The following MAP4K3 variants were observed in gnomAD, a reference collection of about 807,000 sequenced individuals.
MAP4K3 encodes mitogen-activated protein kinase kinase kinase kinase 3.
MAP4K3 carries 94 observed loss-of-function variants against 143.5 expected under a neutral mutation model. The observed-to-expected ratio is 0.65, with a 90% CI of 0.55 to 0.78. MAP4K3 has a LOEUF of 0.78. Among genes scored for constraint, MAP4K3 ranks in the 30% least tolerant of loss-of-function variants. The pLI is 0.00. For synonymous variants in MAP4K3, 416 were observed against 347.2 expected (o/e 1.20, Z -2.20); for missense variants, 1,077 against 1,068.1 (o/e 1.01, Z -0.12).
chr2:39,330,811 A>C (rs1683657661), intron 8 of MAP4K3, among the ~76,000 whole-genome samples: 1 of 152,152 alleles, frequency 6.6e-6, no homozygotes, highest in Admixed American at 6.6e-5. Flanking sequence ...CAAGAAACTA[A>C]GTAAATTTAA....
intron 28 of MAP4K3, among the ~76,000 whole-genome samples, chr2:39,262,330 C>T (rs933256381): frequency 2.0e-5 from 3 of 152,176 alleles, no homozygotes; most frequent in African/African-American, 7.2e-5. Context: ...TGCTAAAGTG[C>T]CTCCATTCCA....
In MAP4K3 at chr2:39,437,272, C is replaced by A; in HGVS notation, c.-285G>T. The A allele has an allele frequency of 4.1e-6, 1 of 241,838 alleles. No homozygotes were observed. The highest frequency in any genetic ancestry group is 8.1e-5 in the East Asian group (1 of 12,346). The allele number at this position is 241,838 out of a possible 1,614,324, so 15.0% of individuals were successfully genotyped here. A position where few individuals can be genotyped will look rare whatever the true frequency, so the allele number is the denominator to read the frequency against. ...GCAGCCCCTCGCTCGGGGTGAAACT[C>A]CAACATGGCTTCCGCTTTCGCCGCT... On this transcript the variant is annotated 5_prime_UTR_variant, in exon 1 of 34. It introduces an in-frame stop codon into an upstream open reading frame of the 5' UTR. Coordinates refer to ENST00000263881, the MANE Select transcript of MAP4K3 (RefSeq NM_003618.4).
chr2:39,253,550 G>A (rs975156528), intron 32 of MAP4K3, among the ~76,000 whole-genome samples: 3 of 152,160 alleles, frequency 2.0e-5, no homozygotes, highest in Non-Finnish European at 2.9e-5. Context: ...GTAGAAAGAA[G>A]TTAGGTGACA....
intron 2 of MAP4K3, among the ~76,000 whole-genome samples, chr2:39,368,253 G>A (rs1471607159): frequency 2.0e-5 from 3 of 152,140 alleles, no homozygotes; most frequent in Non-Finnish European, 4.4e-5. Context: ...TGTTTCTGGA[G>A]TAAGGACAGA....
rs138470313 is a variant in MAP4K3, at chr2:39,435,983, T to A, written c.96+909A>T. 6.8e-3 allele frequency among the ~76,000 whole-genome samples: 1,030 copies of A among 152,338 alleles called. 9 individuals carry two copies. Among genetic ancestry groups the A allele is most frequent in the Non-Finnish European group, 9.6e-3 (651 of 68,026 alleles). On this transcript the variant is annotated intron_variant, in intron 1 of 33. Coordinates refer to ENST00000263881, the MANE Select transcript of MAP4K3 (RefSeq NM_003618.4). ...ATGCAAAATTAAGTTTCTTTGTGCA[T>A]CCTCAGGTGTTATGTGAAACTGGAG... is the stretch of plus-strand genomic sequence containing the variant.
rs1011076476 is a variant in MAP4K3 at position 39,396,539 on chromosome 2, G to A, written c.97-18416C>T. Among the ~76,000 whole-genome samples the A allele has an allele frequency of 8.9e-4, 132 of 148,952 alleles. 1 individual carries two copies. The highest frequency in any genetic ancestry group is 2.5e-3 in the Admixed American group (37 of 14,946). On this transcript the variant is annotated intron_variant, in intron 1 of 33. Transcript: ENST00000263881. Reference sequence around the variant, plus strand: ...TTGTCGCCCAGGCTGGAGTGCAATGGCTTGGCTCATTGCAAGCTCCGCCTC... The same window carrying A: ...TTGTCGCCCAGGCTGGAGTGCAATGACTTGGCTCATTGCAAGCTCCGCCTC...
At chr2:39,436,572 C>T in intron 1 of MAP4K3, 1 of 294,336 alleles carries the variant, frequency 3.4e-6, no homozygotes. Flanking sequence ...ACGCAACAAA[C>T]GCCCAGACCT....
chr2:39,356,415 A>G (rs1346362726), intron 2 of MAP4K3, 76 bp from the exon 3 acceptor site: 5 of 780,348 alleles, frequency 6.4e-6, no homozygotes, highest in Non-Finnish European at 1.1e-5. Flanking sequence ...ACACAATAAA[A>G]TAATTATACG....
chr2:39,386,739 G>A (rs777450793), intron 1 of MAP4K3, among the ~76,000 whole-genome samples: 28 of 151,256 alleles, frequency 1.9e-4, no homozygotes, highest in Non-Finnish European at 3.5e-4. Context: ...ACCCCATGTT[G>A]ATCTATATTG....
intron 1 of MAP4K3, among the ~76,000 whole-genome samples, chr2:39,397,260 G>T (rs1156530284): frequency 6.6e-6 from 1 of 152,036 alleles, no homozygotes; most frequent in Non-Finnish European, 1.5e-5. Flanking sequence ...TTAAGAATTA[G>T]TGACTACAAA....
chr2:39,258,390 A>T lies in MAP4K3; in HGVS notation c.2428T>A (p.Leu810Met). ...LQGRLKSSRK[L>M]SSELTFDFQI... Reference sequence around the variant, plus strand: ...AAATCAAAGGTGAGTTCTGATGACAATTTCCTGCTAGATTTTAATCTTCCT... The same window carrying T: ...AAATCAAAGGTGAGTTCTGATGACATTTTCCTGCTAGATTTTAATCTTCCT... The change falls in exon 31 of 34, where the codon TTG (leucine) becomes ATG (methionine). Residue 810 changes from leucine (L) to methionine (M), a missense_variant. Leu to Met is a conservative substitution (Grantham distance 15). Transcript: ENST00000263881. 1.2e-6 allele frequency: 2 copies of T among 1,611,150 alleles called. No individual in the cohort carries two copies. The highest frequency in any genetic ancestry group is 1.7e-6 in the Non-Finnish European group (2 of 1,178,784).
At chr2:39,319,307 G>A (rs778572105) in intron 12 of MAP4K3, among the ~76,000 whole-genome samples, 11 of 151,678 alleles carry the variant, frequency 7.3e-5, no homozygotes, top group Non-Finnish European at 1.2e-4. Context: ...GGAATTTTAG[G>A]AAATACGGAA....
intron 7 of MAP4K3, among the ~76,000 whole-genome samples, chr2:39,332,864 T>C (rs1683724555): frequency 6.6e-6 from 1 of 152,054 alleles, no homozygotes; most frequent in Admixed American, 6.6e-5. Flanking sequence ...TTTTATAAAA[T>C]GCTTATTTTT....
intron 4 of MAP4K3, 33 bp downstream of exon 4, chr2:39,343,355 C>A (rs969537901): frequency 1.1e-5 from 16 of 1,477,460 alleles, no homozygotes; most frequent in Non-Finnish European, 1.5e-5. Context: ...GAAATTCAAC[C>A]TAACCCCTAT....
At chr2:39,350,549 T>A (rs974771980) in intron 3 of MAP4K3, among the ~76,000 whole-genome samples, 39 of 152,330 alleles carry the variant, frequency 2.6e-4, no homozygotes, top group East Asian at 1.9e-3. Context: ...AAAAAGATAT[T>A]CATAAATGTA....
intron 1 of MAP4K3, among the ~76,000 whole-genome samples, chr2:39,424,705 C>G (rs566889864): frequency 6.6e-6 from 1 of 151,720 alleles, no homozygotes; most frequent in East Asian, 1.9e-4. Context: ...TGGTGGACAC[C>G]TGTAGTCCCA....
chr2:39,278,387 G>C lies in MAP4K3; in HGVS notation c.1794+20C>G. 2 of 1,398,336 alleles carry C rather than the reference G, an allele frequency of 1.4e-6. No individual in the cohort carries two copies. The highest frequency in any genetic ancestry group is 2.1e-5 in the Admixed American group (1 of 47,302). 86.6% of individuals were successfully genotyped at this position (1,398,336 alleles called of 1,614,324 possible). A position where few individuals can be genotyped will look rare whatever the true frequency, so the allele number is the denominator to read the frequency against. On this transcript the variant is annotated intron_variant, in intron 24 of 33. Transcript: ENST00000263881. ...GTAACTTAAAAATTAAAAAAAAAAA[G>C]AATATACAAAATAACATACCTGTTC... is the stretch of plus-strand genomic sequence containing the variant.
At chr2:39,376,167 C>G (rs979693645) in intron 2 of MAP4K3, among the ~76,000 whole-genome samples, 4 of 152,152 alleles carry the variant, frequency 2.6e-5, no homozygotes, top group African/African-American at 9.7e-5. Flanking sequence ...TACATTTCCA[C>G]CAGCTGTGTA....
At chr2:39,345,250 TACCTGTAGTCTC>T (rs1665253823) in intron 3 of MAP4K3, among the ~76,000 whole-genome samples, 4 of 148,064 alleles carry the variant, frequency 2.7e-5, no homozygotes, top group Admixed American at 1.4e-4. Context: ...AAGTGGTGCA[TACCTGTAGTCTC>T]ACCTACTCAG....
Sources: gnomAD v4.1 joint callset for allele counts (sites outside exome capture counted in the v4.1 genomes callset) on GRCh38, gnomAD v4.1.1 for gene constraint, MANE v1.5 for transcripts, NCBI Gene and HGNC (gene_info 2026-07-23, HGNC 2026-07-21) for gene names.